SRBD1: variants seen among roughly 807,000 people sequenced by gnomAD.
The protein encoded by SRBD1 is S1 RNA binding domain 1, also known as S1 RNA-binding domain-containing protein 1.
In SRBD1, 88 loss-of-function variants were observed where a neutral mutation model predicts 115.3. That is an observed-to-expected ratio of 0.76 (90% CI 0.64 to 0.91). The LOEUF (loss-of-function observed/expected upper bound fraction) is 0.91. Ranked by LOEUF, SRBD1 falls within the 40% of genes least tolerant of loss-of-function variation. SRBD1 has a pLI of 0.00. For synonymous variants in SRBD1, 509 were observed against 407.7 expected, an observed-to-expected ratio of 1.25 and a Z score of -2.99; for missense variants, 1,385 against 1,177.4, an observed-to-expected ratio of 1.18 and a Z score of -2.58.
intron 16 of SRBD1, among the ~76,000 whole-genome samples, chr2:45,449,810 A>C (rs1322466733): frequency 6.6e-6 from 1 of 152,224 alleles, no homozygotes; most frequent in African/African-American, 2.4e-5. Context: ...GCTACAGTTA[A>C]CACGAACTAG....
At chr2:45,506,254 T>C (rs1308637249) in intron 14 of SRBD1, among the ~76,000 whole-genome samples, 1 of 152,130 alleles carries the variant, frequency 6.6e-6, no homozygotes, top group African/African-American at 2.4e-5. Flanking sequence ...TTTGTTCTCA[T>C]TTAGGTTTTT....
chr2:45,590,426 A>G (rs1171996315), intron 4 of SRBD1, among the ~76,000 whole-genome samples: 1 of 152,192 alleles, frequency 6.6e-6, no homozygotes, highest in Admixed American at 6.5e-5. Context: ...AGGAGTTGAT[A>G]TGGTTTGGCT....
chr2:45,462,426 A>T (rs1332744507), intron 16 of SRBD1, among the ~76,000 whole-genome samples: 1 of 152,176 alleles, frequency 6.6e-6, no homozygotes, highest in Admixed American at 6.5e-5. Flanking sequence ...CTCTGGCCCC[A>T]TGTATTCAAA....
At position 45,488,325 on chromosome 2, in the gene SRBD1, G is replaced by C. The variant is rs1670183631; in HGVS notation, c.1881C>G (p.Val627=). 2 of 1,613,150 alleles carry C rather than the reference G, an allele frequency of 1.2e-6. No homozygotes were observed. The highest frequency in any genetic ancestry group is 1.7e-6 in the Non-Finnish European group (2 of 1,179,556). ...FAPLDVVYCI[V]SEAGASIYSV... The stretch of plus-strand genomic sequence containing the variant: ...TGTAGATTGATGCTCCTGCTTCACT[G>C]ACGATACTGAGAAGACAGAAAAAGG... Residue 627 remains valine (V), a synonymous_variant, in exon 15 of 21, where the codon GTC becomes GTG. Coordinates refer to ENST00000263736, the MANE Select transcript of SRBD1 (RefSeq NM_018079.5).
chr2:45,530,123 A>AT (rs1450618323), intron 14 of SRBD1, among the ~76,000 whole-genome samples: 1 of 152,064 alleles, frequency 6.6e-6, no homozygotes, highest in Non-Finnish European at 1.5e-5. Flanking sequence ...GAAAGGAAAA[A>AT]GAAAAATGCT....
intron 16 of SRBD1, among the ~76,000 whole-genome samples, chr2:45,476,432 C>T (rs1162653509): frequency 6.6e-6 from 1 of 152,048 alleles, no homozygotes; most frequent in African/African-American, 2.4e-5. Context: ...ACAATGTGAC[C>T]CAAGCCTTCT....
At chr2:45,505,728 T>C (rs534792815) in intron 14 of SRBD1, among the ~76,000 whole-genome samples, 7 of 152,298 alleles carry the variant, frequency 4.6e-5, no homozygotes, top group Admixed American at 1.3e-4. Context: ...TACAGCTTTA[T>C]CAGGAAGTTA....
intron 14 of SRBD1, among the ~76,000 whole-genome samples, chr2:45,544,805 C>T (rs1300526804): frequency 1.3e-5 from 2 of 152,016 alleles, no homozygotes; most frequent in South Asian, 4.1e-4. Flanking sequence ...AATACAAACA[C>T]ACTCATAAAA....
chr2:45,492,772 C>T (rs2103868184), intron 14 of SRBD1, among the ~76,000 whole-genome samples: 1 of 152,240 alleles, frequency 6.6e-6, no homozygotes, highest in East Asian at 1.9e-4. Context: ...ACTGGGCTAA[C>T]AGTTTTCACC....
chr2:45,562,540 G>C, intron 10 of SRBD1, 113 bp downstream of exon 10: 1 of 838,486 alleles, frequency 1.2e-6, no homozygotes, highest in Non-Finnish European at 1.7e-6. Context: ...CCTGTCACTG[G>C]CTTTTTAAAA....
At chr2:45,403,337 A>G (rs1667341412) in intron 19 of SRBD1, among the ~76,000 whole-genome samples, 1 of 152,018 alleles carries the variant, frequency 6.6e-6, no homozygotes, top group Middle Eastern at 3.2e-3. Flanking sequence ...TATACAAAAA[A>G]AAAATACATG....
At chr2:45,556,701 G>A (rs1231213325) in intron 10 of SRBD1, among the ~76,000 whole-genome samples, 1 of 151,994 alleles carries the variant, frequency 6.6e-6, no homozygotes, top group East Asian at 1.9e-4. Flanking sequence ...GACCTCAAGT[G>A]ATCTACCTGC....
chr2:45,580,580 T>C (rs67735804), intron 6 of SRBD1, among the ~76,000 whole-genome samples: 31,127 of 147,604 alleles, frequency 0.21, 6,090 homozygotes, highest in African/African-American at 0.53. Flanking sequence ...AGGGTGATCT[T>C]GATCTCTTGG....
intron 16 of SRBD1, among the ~76,000 whole-genome samples, chr2:45,446,252 C>T (rs1390859320): frequency 1.3e-5 from 2 of 152,162 alleles, no homozygotes; most frequent in Non-Finnish European, 2.9e-5. Context: ...ACAGCATAAG[C>T]TAATCAATCC....
chr2:45,423,203 C>A (rs1446061296), intron 16 of SRBD1, among the ~76,000 whole-genome samples: 1 of 152,114 alleles, frequency 6.6e-6, no homozygotes, highest in Non-Finnish European at 1.5e-5. Context: ...AACAAAATCA[C>A]TTGGAACACC....
rs1344863331 is a variant in SRBD1, at chr2:45,585,705, T to A, written c.718A>T (p.Asn240Tyr). 3 of 1,612,778 alleles carry A rather than the reference T, an allele frequency of 1.9e-6. No homozygotes were observed. In the Admixed American group the frequency reaches 5.0e-5, roughly 27 times the overall value. Residue 240 changes from asparagine to tyrosine, a missense_variant, in exon 5 of 21, where the codon AAC becomes TAC. Coordinates refer to ENST00000263736, the MANE Select transcript of SRBD1 (RefSeq NM_018079.5). ...ANIIRLFNDD[N>Y]TIPFIIRYRK... ...TAACGTATAATGAAGGGAATTGTGT[T>A]ATCATCATTAAAGAGACGAATGATG...
chr2:45,482,533 A>G (rs1448558883), intron 15 of SRBD1, among the ~76,000 whole-genome samples: 1 of 151,976 alleles, frequency 6.6e-6, no homozygotes, highest in African/African-American at 2.4e-5. Context: ...CAGAGATTTT[A>G]CGTACAGTAT....
chr2:45,404,993 T>C (rs1004591758), intron 19 of SRBD1, among the ~76,000 whole-genome samples: 1 of 152,168 alleles, frequency 6.6e-6, no homozygotes, highest in Non-Finnish European at 1.5e-5. Flanking sequence ...AAGACTTTTC[T>C]TAAATGTCAC....
At chr2:45,512,773 T>A (rs1014867204) in intron 14 of SRBD1, among the ~76,000 whole-genome samples, 5 of 152,216 alleles carry the variant, frequency 3.3e-5, no homozygotes, top group African/African-American at 1.2e-4. Context: ...CCTTATTTTA[T>A]GAACTTTTAA....
Sources: gnomAD v4.1 joint callset for allele counts (sites outside exome capture counted in the v4.1 genomes callset) on GRCh38, gnomAD v4.1.1 for gene constraint, MANE v1.5 for transcripts, NCBI Gene and HGNC (gene_info 2026-07-23, HGNC 2026-07-21) for gene names.